The following CROCC2 variants were observed in gnomAD, a reference collection of about 807,000 sequenced individuals.
CROCC2 encodes ciliary rootlet coiled-coil, rootletin family member 2.
CROCC2 carries 163 observed loss-of-function variants against 177.6 expected under a neutral mutation model. The ratio of observed to expected loss-of-function variants is 0.92; its 90% CI spans 0.81 to 1.05. The LOEUF is 1.05. Among genes scored for constraint, CROCC2 ranks in the 50% least tolerant of loss-of-function variants. The probability of loss-of-function intolerance (pLI) is 0.00; values close to 1 mark genes in which losing one functional copy is unlikely to be tolerated. For missense variants in CROCC2, 1,929 were observed against 1,797.8 expected, an observed-to-expected ratio of 1.07 and a Z score of -1.32; for synonymous variants, 904 against 787.3, an observed-to-expected ratio of 1.15 and a Z score of -2.48.
At chr2:240,926,102 A>G (rs1358982831) in intron 5 of CROCC2, among the ~76,000 whole-genome samples, 1 of 152,044 alleles carries the variant, frequency 6.6e-6, no homozygotes, top group Non-Finnish European at 1.5e-5. Context: ...CCACCCGGAG[A>G]AGGAGGGCAG....
Position 240,965,988 on chromosome 2 carries a change from C to A in CROCC2, c.3956C>A (p.Thr1319Asn), listed in dbSNP as rs547225878. ...TCCCCGGAGCAGCCTGGTTCCCCCA[C>A]CAAAGGTCAGAGTCCTCAGTGGAGG... ...WASPEQPGSP[T>N]KGSDSSQALP... The change falls in exon 24 of 32, where the codon ACC becomes AAC. Residue 1319 changes from threonine (T) to asparagine (N), a missense_variant. By Grantham distance (65) the Thr-to-Asn change is moderately conservative (BLOSUM62 0). Coordinates refer to ENST00000690015, the MANE Select transcript of CROCC2 (RefSeq NM_001351305.2). The A allele has an allele frequency of 1.4e-4, 196 of 1,367,746 alleles. 1 individual carries two copies. The Middle Eastern group carries it at 1.8e-3, about 13-fold the overall frequency. The allele number at this position is 1,367,746 out of a possible 1,614,324, so 84.7% of individuals were successfully genotyped here. A position where few individuals can be genotyped will look rare whatever the true frequency, so the allele number is the denominator to read the frequency against.
At chr2:240,979,954 T>G (rs370011731) in intron 27 of CROCC2, among the ~76,000 whole-genome samples, 30 of 14,298 alleles carry the variant, frequency 2.1e-3, no homozygotes, top group South Asian at 0.018. Flanking sequence ...AGCCTCAGGA[T>G]CCCAGGCTCA....
Position 240,925,668 on chromosome 2 carries a change from G to A in CROCC2, c.489-56G>A, listed in dbSNP as rs546746219. On this transcript the variant is annotated intron_variant, in intron 4 of 31. Coordinates refer to ENST00000690015, the MANE Select transcript of CROCC2 (RefSeq NM_001351305.2). The stretch of plus-strand genomic sequence containing the variant: ...GCCCCTTGACTTGGGGACTCTGAGC[G>A]CCTCTCTTAGGAGAGGCTTCCTACC... 2.9e-4 allele frequency: 190 copies of A among 648,718 alleles called. 4 individuals are homozygous for A. The highest frequency in any genetic ancestry group is 2.8e-3 in the South Asian group (156 of 55,862). 40.2% of individuals were successfully genotyped at this position (648,718 alleles called of 1,614,324 possible).
chr2:240,983,616 G>A lies in CROCC2; in HGVS notation c.4551+587G>A, dbSNP rs1038016826. On this transcript the variant is annotated intron_variant, in intron 28 of 31. Coordinates refer to ENST00000690015, the MANE Select transcript of CROCC2 (RefSeq NM_001351305.2). ...GGTGGTCCTTAGAGAGGAAGGAGGA[G>A]CTCCTGGCTGGGGTCCGCAGGGGCG... The A allele has an allele frequency of 1.3e-5, 17 of 1,284,928 alleles. No individual in the cohort carries two copies. In the East Asian group the frequency reaches 7.4e-4, roughly 56 times the overall value. 79.6% of individuals were successfully genotyped at this position (1,284,928 alleles called of 1,614,324 possible). A position where few individuals can be genotyped will look rare whatever the true frequency, so the allele number is the denominator to read the frequency against.
Position 240,917,671 on chromosome 2 carries a change from G to A in CROCC2, c.79-1055G>A, listed in dbSNP as rs1476961318. Among the ~76,000 whole-genome samples, 1 of 152,130 alleles carries A rather than the reference G, an allele frequency of 6.6e-6. No homozygotes were observed. The highest frequency in any genetic ancestry group is 2.4e-5 in the African/African-American group (1 of 41,438). Reference sequence around the variant, plus strand: ...GTGGACTCTGGCGTGCCATGCTGGAGAGCCCTAGGAGTGGACATCCCCTCC... The same window carrying A: ...GTGGACTCTGGCGTGCCATGCTGGAAAGCCCTAGGAGTGGACATCCCCTCC... On this transcript the variant is annotated intron_variant, in intron 1 of 31. Coordinates refer to ENST00000690015, the MANE Select transcript of CROCC2 (RefSeq NM_001351305.2). This position sits in a 1 kb window ranked among gnomAD's most constrained non-coding sequence, Gnocchi z 4.9.
In CROCC2 at chr2:240,949,481, G is replaced by A. The variant is rs1173084912; in HGVS notation, c.2483-52G>A. 3.9e-6 allele frequency: 6 copies of A among 1,539,240 alleles called. No individual in the cohort carries two copies. Among genetic ancestry groups the A allele is most frequent in the African/African-American group, 1.4e-5 (1 of 72,864 alleles). ...GTCACTCCCTAGGAAGTCCCAAAGG[G>A]TTCAGGGGTCCACATGCCAGGCCCT... On this transcript the variant is annotated intron_variant, in intron 16 of 31. Transcript: ENST00000690015. This position sits in a 1 kb window ranked among gnomAD's most constrained non-coding sequence, Gnocchi z 4.5.
chr2:240,962,646 G>A (rs1201132776), intron 20 of CROCC2, among the ~76,000 whole-genome samples: 1 of 152,210 alleles, frequency 6.6e-6, no homozygotes, highest in Non-Finnish European at 1.5e-5. Context: ...ACTTGACATC[G>A]CGGAGTCTTT....
At chr2:240,922,413 C>T (rs2059362227) in intron 3 of CROCC2, 126 bp from the exon 4 acceptor site, 1 of 573,968 alleles carries the variant, frequency 1.7e-6, no homozygotes, top group Non-Finnish European at 3.1e-6. Context: ...CAACCCCAGC[C>T]CCTGCTGTGG....
intron 15 of CROCC2, among the ~76,000 whole-genome samples, chr2:240,947,931 C>T (rs1157985772): frequency 3.9e-5 from 6 of 152,192 alleles, no homozygotes; most frequent in Middle Eastern, 3.4e-3. Flanking sequence ...TCCTGGGCCC[C>T]CAAGGAGAGA....
At chr2:240,987,375 T>C (rs1234437626) in intron 28 of CROCC2, among the ~76,000 whole-genome samples, 2 of 152,206 alleles carry the variant, frequency 1.3e-5, no homozygotes, top group Admixed American at 6.5e-5. Context: ...TGGCCGTTTA[T>C]TTATTTTGGA....
chr2:240,955,624 G>A (rs1373395426), intron 18 of CROCC2: 3 of 502,488 alleles, frequency 6.0e-6, no homozygotes, highest in Non-Finnish European at 7.1e-6. Context: ...GAGGTGGGAC[G>A]ATGTCGGACA....
intron 14 of CROCC2, among the ~76,000 whole-genome samples, chr2:240,939,607 G>A (rs2059486131): frequency 6.6e-6 from 1 of 152,132 alleles, no homozygotes; most frequent in African/African-American, 2.4e-5. Flanking sequence ...ATGAAATAAT[G>A]TGAGTCTGGG....
chr2:240,961,369 T>C (rs1341008984), intron 20 of CROCC2, among the ~76,000 whole-genome samples: 1 of 148,936 alleles, frequency 6.7e-6, no homozygotes, highest in Non-Finnish European at 1.5e-5. Context: ...TGGAATCACA[T>C]ATGGACACCA....
intron 27 of CROCC2, among the ~76,000 whole-genome samples, chr2:240,974,391 G>T (rs1384807079): frequency 6.1e-5 from 9 of 146,722 alleles, no homozygotes; most frequent in Non-Finnish European, 1.2e-4. Context: ...ACCCAGGCTA[G>T]AGTGCAGTGG....
chr2:240,983,169 C>T, intron 28 of CROCC2, 140 bp downstream of exon 28: 1 of 953,500 alleles, frequency 1.0e-6, no homozygotes, highest in South Asian at 1.7e-5. Flanking sequence ...GGCAGGTGAG[C>T]AGGCCTGCAG....
intron 14 of CROCC2, among the ~76,000 whole-genome samples, chr2:240,941,845 C>T (rs776993637): frequency 6.6e-5 from 10 of 152,150 alleles, no homozygotes; most frequent in Non-Finnish European, 1.5e-4. Flanking sequence ...GAGATGGGAC[C>T]TTTAAGAGGT....
chr2:240,947,572 A>G (rs2059530980), intron 15 of CROCC2, among the ~76,000 whole-genome samples: 1 of 152,214 alleles, frequency 6.6e-6, no homozygotes, highest in Non-Finnish European at 1.5e-5. Context: ...TGTTTATCTG[A>G]CTGGCCCAGT....
intron 27 of CROCC2, among the ~76,000 whole-genome samples, chr2:240,976,421 T>G (rs1359407147): frequency 0.012 from 719 of 60,092 alleles, no homozygotes; most frequent in Admixed American, 0.016. Flanking sequence ...CCCTGCTCAG[T>G]CTCTGGGGTA....
rs189978310 is a variant in CROCC2, at chr2:240,964,597, G to T, written c.3437G>T (p.Arg1146Leu). The change falls in exon 22 of 32, where the codon CGT becomes CTT. Residue 1146 changes from arginine to leucine, a missense_variant. Arg to Leu is a moderately radical substitution (Grantham distance 102). Around this residue, in one of 3 missense-constraint regions of CROCC2, gnomAD observed 1,397 missense variants for 1,239.9 expected, o/e 1.13. Transcript: ENST00000690015. The part of the protein sequence containing the change: ...WELEQAGGDA[R>L]QELRELHRQV... ...CTGGAGCAGGCAGGGGGGGACGCCC[G>T]TCAGGAGCTCCGGGAACTCCACAGA... 3 of 1,549,452 alleles carry T rather than the reference G, an allele frequency of 1.9e-6. No homozygotes were observed. Among genetic ancestry groups the T allele is most frequent in the East Asian group, 2.4e-5 (1 of 40,882 alleles).
Sources: allele counts gnomAD v4.1 joint callset (sites outside exome capture counted in the v4.1 genomes callset), GRCh38; gene constraint gnomAD v4.1.1; regional missense constraint gnomAD v4.1.1; non-coding constraint Gnocchi (gnomAD v3.1); transcripts MANE v1.5; gene names NCBI Gene and HGNC (gene_info 2026-07-23, HGNC 2026-07-21).